LRP1: variants seen among roughly 807,000 people sequenced by gnomAD.
The protein encoded by LRP1 is prolow-density lipoprotein receptor-related protein 1.
Under a neutral mutation model 541.5 loss-of-function variants are expected in LRP1, and 51 were observed. The observed-to-expected ratio is 0.09, with a 90% CI of 0.08 to 0.12. The LOEUF is 0.12. Among genes scored for constraint, LRP1 ranks in the 10% least tolerant of loss-of-function variants. The pLI is 1.00. For synonymous variants in LRP1, 2,219 were observed against 2,470.8 expected (o/e 0.90, Z 3.02); for missense variants, 3,878 against 6,376.2 (o/e 0.61, Z 13.34).
Position 57,180,823 on chromosome 12 carries a change from G to A in LRP1, c.5527+16G>A. The A allele has an allele frequency of 1.2e-6, 2 of 1,612,532 alleles. No individual in the cohort carries two copies. The highest frequency in any genetic ancestry group is 4.5e-5 in the East Asian group (2 of 44,890). Reference sequence around the variant, plus strand: ...ATCCAGCTGGGTAGGTGCGAGGCCGGGCGGCCGCTGGGGGCTCAGGGGCAA... The same window carrying A: ...ATCCAGCTGGGTAGGTGCGAGGCCGAGCGGCCGCTGGGGGCTCAGGGGCAA... On this transcript the variant is annotated intron_variant, in intron 33 of 88. Coordinates refer to ENST00000243077, the MANE Select transcript of LRP1 (RefSeq NM_002332.3).
At position 57,190,986 on chromosome 12, in the gene LRP1, G is replaced by A. The variant is rs1555186078; in HGVS notation, c.7213G>A (p.Glu2405Lys). 6.2e-7 allele frequency: 1 copy of A among 1,611,414 alleles called. No homozygotes were observed. The highest frequency in any genetic ancestry group is 8.5e-7 in the Non-Finnish European group (1 of 1,179,914). ...CACCCTGGACAAGATCGAGCGGTGC[G>A]AGTATGACGGCTCCCACCGCTATGT... The part of the protein sequence containing the change: ...DATLDKIERC[E>K]YDGSHRYVIL... The change falls in exon 43 of 89, where the codon GAG becomes AAG. Residue 2405 changes from glutamate (E) to lysine (K), a missense_variant. Coordinates refer to ENST00000243077, the MANE Select transcript of LRP1 (RefSeq NM_002332.3).
chr12:57,187,263 A>G lies in LRP1; in HGVS notation c.6842-4A>G, dbSNP rs376380740. ...GACAAATCGCTGCTCCTGTCTCTTC[A>G]CAGACGTGGGCTCCGTGGAAGGCCT... is the stretch of plus-strand genomic sequence containing the variant. On this transcript the variant is annotated splice_region_variant and splice_polypyrimidine_tract_variant and intron_variant, in intron 41 of 88. Transcript: ENST00000243077. 20 of 1,610,092 alleles carry G rather than the reference A, an allele frequency of 1.2e-5. No individual in the cohort carries two copies. In the East Asian group the frequency reaches 4.0e-4, roughly 32 times the overall value.
At chr12:57,141,286 G>C in intron 2 of LRP1, 88 bp from the exon 3 acceptor site, 1 of 1,525,130 alleles carries the variant, frequency 6.6e-7, no homozygotes, top group Middle Eastern at 1.7e-4. Flanking sequence ...TGAAACCCCA[G>C]TTTTATCTCC....
Position 57,209,862 on chromosome 12 carries a change from C to T in LRP1, c.12433C>T (p.Pro4145Ser), listed in dbSNP as rs1041474728. 6.2e-7 allele frequency: 1 copy of T among 1,613,616 alleles called. No homozygotes were observed. The highest frequency in any genetic ancestry group is 8.5e-7 in the Non-Finnish European group (1 of 1,179,824). Residue 4145 changes from proline to serine, a missense_variant, in exon 80 of 89, where the codon CCC (proline) becomes TCC (serine). Coordinates refer to ENST00000243077, the MANE Select transcript of LRP1 (RefSeq NM_002332.3). ...GGTCCTTTACCATCAGCACAAGCAG[C>T]CCGAAGGTGGGGGCAGAGGGGAGCC... is the stretch of plus-strand genomic sequence containing the variant. ...DVVLYHQHKQ[P>S]EVTNPCDRKK...
intron 20 of LRP1, among the ~76,000 whole-genome samples, chr12:57,172,043 C>A (rs1262647616): frequency 1.3e-5 from 2 of 150,020 alleles, no homozygotes; most frequent in Middle Eastern, 3.2e-3. Flanking sequence ...TCTACTCCAG[C>A]TGTGGCGTTT....
At chr12:57,137,787 C>A (rs2035203723) in intron 1 of LRP1, among the ~76,000 whole-genome samples, 1 of 149,230 alleles carries the variant, frequency 6.7e-6, no homozygotes, top group Non-Finnish European at 1.5e-5. Context: ...CAGAGTGAGA[C>A]CTTGTCTCAA....
At position 57,156,043 on chromosome 12, in the gene LRP1, G is replaced by A; in HGVS notation, c.1228-51G>A. The A allele has an allele frequency of 6.6e-7, 1 of 1,511,824 alleles. No homozygotes were observed. Among genetic ancestry groups the A allele is most frequent in the Non-Finnish European group, 9.1e-7 (1 of 1,096,382 alleles). 93.7% of individuals were successfully genotyped at this position (1,511,824 alleles called of 1,614,324 possible). On this transcript the variant is annotated intron_variant, in intron 8 of 88. Coordinates refer to ENST00000243077, the MANE Select transcript of LRP1 (RefSeq NM_002332.3). This position sits in a 1 kb window ranked among gnomAD's most constrained non-coding sequence, Gnocchi z 5.2. ...AAGCTGAGGGGATCTCCAGGACAGA[G>A]GGAGGAACCCCTGTCATCTCATGCT...
rs111733501 is a variant in LRP1, at chr12:57,170,773, G to A, written c.3163+1466G>A. On this transcript the variant is annotated intron_variant, in intron 20 of 88. Transcript: ENST00000243077. Reference sequence around the variant, plus strand: ...TGAGGCTGCAGTGAGCTGTGAGCTCGCCACTGCACTCCAGCCTGGGTGACA... The same window carrying A: ...TGAGGCTGCAGTGAGCTGTGAGCTCACCACTGCACTCCAGCCTGGGTGACA... Among the ~76,000 whole-genome samples, 5 of 152,224 alleles carry A rather than the reference G, an allele frequency of 3.3e-5. 1 individual carries two copies. The highest frequency in any genetic ancestry group is 9.6e-5 in the African/African-American group (4 of 41,528).
chr12:57,183,763 C>T lies in LRP1; in HGVS notation c.5795-12C>T. ...TTATTGGGCATCCCCATGTCACCTC[C>T]TCCACCTCCAGAAAATGACACCATC... On this transcript the variant is annotated splice_polypyrimidine_tract_variant and intron_variant, in intron 35 of 88. Transcript: ENST00000243077. The surrounding 1 kb of genome is among the most constrained non-coding windows in gnomAD (Gnocchi z 6.1). 6.2e-7 allele frequency: 1 copy of T among 1,613,670 alleles called. No homozygotes were observed. The highest frequency in any genetic ancestry group is 1.1e-5 in the South Asian group (1 of 91,086).
intron 20 of LRP1, among the ~76,000 whole-genome samples, chr12:57,169,990 G>T (rs992170322): frequency 2.6e-5 from 4 of 152,232 alleles, no homozygotes; most frequent in African/African-American, 9.6e-5. Context: ...AGTTCTGGAG[G>T]CTGGAAGTCC....
chr12:57,193,949 G>A lies in LRP1; in HGVS notation c.7855G>A (p.Gly2619Arg), dbSNP rs145012386. The stretch of plus-strand genomic sequence containing the variant: ...CCGCTGCCGGGACGGGACCTGCATC[G>A]GGAACTCCAGCCGCTGCAACCAGTT... ...EFRCRDGTCI[G>R]NSSRCNQFVD... is the part of the protein sequence containing the mutation. Residue 2619 changes from glycine (G) to arginine (R), a missense_variant, in exon 48 of 89, where the codon GGG (glycine) becomes AGG (arginine). This residue lies in a region of LRP1 where 1,100 missense variants were observed against 1,827.4 expected (regional missense o/e 0.60). Coordinates refer to ENST00000243077, the MANE Select transcript of LRP1 (RefSeq NM_002332.3). The A allele has an allele frequency of 1.7e-5, 27 of 1,614,130 alleles. No individual in the cohort carries two copies. The highest frequency in any genetic ancestry group is 4.0e-5 in the African/African-American group (3 of 75,048).
In LRP1 at chr12:57,185,094, G is replaced by A. The variant is rs1334406831; in HGVS notation, c.6352G>A (p.Gly2118Ser). 2 of 1,613,966 alleles carry A rather than the reference G, an allele frequency of 1.2e-6. No individual in the cohort carries two copies. Among genetic ancestry groups the A allele is most frequent in the Non-Finnish European group, 1.7e-6 (2 of 1,180,032 alleles). Residue 2118 changes from glycine (G) to serine (S), a missense_variant, in exon 40 of 89, where the codon GGC becomes AGC. By Grantham distance (56) the Gly-to-Ser change is moderately conservative (BLOSUM62 0). Around this residue, in one of 13 missense-constraint regions of LRP1, gnomAD observed 1,100 missense variants for 1,827.4 expected, o/e 0.60. Transcript: ENST00000243077. The surrounding 1 kb of genome is among the most constrained non-coding windows in gnomAD (Gnocchi z 4.9). ...IYWSDRTHAN[G>S]SIKRGSKDNA... ...TCCTTCCCTCAGGACTCATGCCAAC[G>A]GCTCTATCAAGCGCGGGAGCAAAGA... is the stretch of plus-strand genomic sequence containing the variant.
In LRP1 at chr12:57,201,167, G is replaced by A. The variant is rs1200783651; in HGVS notation, c.10345+14G>A. ...AGAGGGACTGCCGTGAGTGTCAGAG[G>A]TGGTGGTGGGCCGGTGGTGGGAGAT... On this transcript the variant is annotated intron_variant, in intron 65 of 88. Coordinates refer to ENST00000243077, the MANE Select transcript of LRP1 (RefSeq NM_002332.3). The surrounding 1 kb of genome is among the most constrained non-coding windows in gnomAD (Gnocchi z 6.4). 1 of 1,613,782 alleles carries A rather than the reference G, an allele frequency of 6.2e-7. No individual in the cohort carries two copies. The highest frequency in any genetic ancestry group is 1.1e-5 in the South Asian group (1 of 91,062).
chr12:57,164,364 T>C (rs1270281110), intron 15 of LRP1: 1 of 152,234 alleles, frequency 6.6e-6, no homozygotes, highest in Non-Finnish European at 1.5e-5. Flanking sequence ...TTTCCTGCTT[T>C]TGTCACTTGA....
At position 57,161,022 on chromosome 12, in the gene LRP1, G is replaced by T. The variant is rs765438580; in HGVS notation, c.2109G>T (p.Gly703=). Residue 703 remains glycine (G), a synonymous_variant, in exon 13 of 89, where the codon GGG becomes GGT. Transcript: ENST00000243077. ...VTSKTVLWPN[G]LSLDIPAGRL... ...CCAAGACAGTGCTTTGGCCCAATGG[G>T]CTAAGCCTGGACATCCCGGCTGGGC... 12 of 1,613,998 alleles carry T rather than the reference G, an allele frequency of 7.4e-6. No homozygotes were observed. The highest frequency in any genetic ancestry group is 2.2e-5 in the South Asian group (2 of 91,070).
rs201572770 is a variant in LRP1, at chr12:57,154,196, C to T, written c.842-12C>T. The T allele has an allele frequency of 1.0e-5, 16 of 1,607,018 alleles. No homozygotes were observed. The highest frequency in any genetic ancestry group is 7.7e-5 in the South Asian group (7 of 90,636). On this transcript the variant is annotated splice_polypyrimidine_tract_variant and intron_variant, in intron 6 of 88. Transcript: ENST00000243077. This position sits in a 1 kb window ranked among gnomAD's most constrained non-coding sequence, Gnocchi z 4.6. ...TACCCCACCCCATGGCTCTTTCATTCGTACTCTCCAGACGTGGAACAGATG... is the reference window on the plus strand; with the variant it reads ...TACCCCACCCCATGGCTCTTTCATTTGTACTCTCCAGACGTGGAACAGATG...
chr12:57,178,873 C>T lies in LRP1; in HGVS notation c.4607-17C>T. ...ACAGGATGCTCTGGCTTCTTCTCTTCTCCACCCTGCCCCCAGCTCCCAATC... is the reference window on the plus strand; with the variant it reads ...ACAGGATGCTCTGGCTTCTTCTCTTTTCCACCCTGCCCCCAGCTCCCAATC... On this transcript the variant is annotated splice_polypyrimidine_tract_variant and intron_variant, in intron 27 of 88. Coordinates refer to ENST00000243077, the MANE Select transcript of LRP1 (RefSeq NM_002332.3). This position sits in a 1 kb window ranked among gnomAD's most constrained non-coding sequence, Gnocchi z 5.8. 6.2e-7 allele frequency: 1 copy of T among 1,604,508 alleles called. No individual in the cohort carries two copies. Among genetic ancestry groups the T allele is most frequent in the Non-Finnish European group, 8.5e-7 (1 of 1,176,800 alleles).
Position 57,175,490 on chromosome 12 carries a change from G to A in LRP1, c.3578G>A (p.Ser1193Asn). Residue 1193 changes from serine to asparagine, a missense_variant, in exon 23 of 89, where the codon AGC becomes AAC. By Grantham distance (46) the Ser-to-Asn change is conservative. Coordinates refer to ENST00000243077, the MANE Select transcript of LRP1 (RefSeq NM_002332.3). ...TGCTCTCTGAATAACGGTGGCTGCAGCCACAACTGCTCAGTGGCACCTGGC... is the reference window on the plus strand; with the variant it reads ...TGCTCTCTGAATAACGGTGGCTGCAACCACAACTGCTCAGTGGCACCTGGC... ...DQCSLNNGGC[S>N]HNCSVAPGEG... The A allele has an allele frequency of 6.2e-7, 1 of 1,613,858 alleles. No individual in the cohort carries two copies. Among genetic ancestry groups the A allele is most frequent in the Non-Finnish European group, 8.5e-7 (1 of 1,180,032 alleles).
At position 57,177,257 on chromosome 12, in the gene LRP1, G is replaced by T; in HGVS notation, c.4196+12G>T. 1 of 1,612,230 alleles carries T rather than the reference G, an allele frequency of 6.2e-7. No individual in the cohort carries two copies. The highest frequency in any genetic ancestry group is 8.5e-7 in the Non-Finnish European group (1 of 1,178,530). On this transcript the variant is annotated intron_variant, in intron 25 of 88. Transcript: ENST00000243077. The surrounding 1 kb of genome is among the most constrained non-coding windows in gnomAD (Gnocchi z 6.8). Reference sequence around the variant, plus strand: ...GATCCCCGGGATGGGTGAGGACCTTGCCCAGCCTTCTCCTGGCCCCATGGC... The same window carrying T: ...GATCCCCGGGATGGGTGAGGACCTTTCCCAGCCTTCTCCTGGCCCCATGGC...
Sources: gnomAD v4.1 joint callset for allele counts (sites outside exome capture counted in the v4.1 genomes callset) on GRCh38, gnomAD v4.1.1 for gene constraint, gnomAD v4.1.1 regional missense constraint, Gnocchi (gnomAD v3.1) non-coding constraint, MANE v1.5 for transcripts, NCBI Gene and HGNC (gene_info 2026-07-23, HGNC 2026-07-21) for gene names.